ANKRD44: variants seen among roughly 807,000 people sequenced by gnomAD.
ANKRD44 encodes the protein ankyrin repeat domain 44, also known as serine/threonine-protein phosphatase 6 regulatory ankyrin repeat subunit B.
A neutral mutation model predicts 116.0 loss-of-function variants in ANKRD44; 35 were observed. The ratio of observed to expected loss-of-function variants is 0.30; its 90% CI spans 0.23 to 0.40. The LOEUF (loss-of-function observed/expected upper bound fraction) is 0.40. ANKRD44 is among the 10% of genes least tolerant of loss of function. The pLI, the probability that ANKRD44 is intolerant of heterozygous loss-of-function variation, is 1.00. For missense variants in ANKRD44, 1,014 were observed against 1,242.6 expected, an observed-to-expected ratio of 0.82 and a Z score of 2.77; for synonymous variants, 435 against 461.8, an observed-to-expected ratio of 0.94 and a Z score of 0.74.
intron 1 of ANKRD44, among the ~76,000 whole-genome samples, chr2:197,280,992 T>C: frequency 6.6e-6 from 1 of 152,204 alleles, no homozygotes; most frequent in East Asian, 1.9e-4. Context: ...TTCACTAGAA[T>C]GTTCTTTATA....
chr2:196,978,448 A>G (rs957041570), intron 21 of ANKRD44, among the ~76,000 whole-genome samples: 1 of 152,232 alleles, frequency 6.6e-6, no homozygotes, highest in Admixed American at 6.5e-5. Flanking sequence ...GCAAGAAGAG[A>G]CTAACACATA....
At chr2:197,224,309 C>A (rs1038616175) in intron 1 of ANKRD44, among the ~76,000 whole-genome samples, 1 of 152,164 alleles carries the variant, frequency 6.6e-6, no homozygotes, top group Non-Finnish European at 1.5e-5. Context: ...ACTGTATCCA[C>A]AATTGGCTTT....
At chr2:196,981,634 G>T (rs113307251) in intron 21 of ANKRD44, among the ~76,000 whole-genome samples, 1 of 152,032 alleles carries the variant, frequency 6.6e-6, no homozygotes, top group Non-Finnish European at 1.5e-5. Flanking sequence ...TTAAAAATCC[G>T]CCAAGTGTGG....
intron 8 of ANKRD44, among the ~76,000 whole-genome samples, chr2:197,114,385 T>C (rs1039748158): frequency 6.6e-6 from 1 of 152,238 alleles, no homozygotes; most frequent in Non-Finnish European, 1.5e-5. Context: ...GCACTTCTAT[T>C]GAGTTAGGCA....
downstream of ANKRD44, among the ~76,000 whole-genome samples, chr2:196,984,091 G>C (rs1265370077): frequency 5.3e-5 from 8 of 152,160 alleles, no homozygotes. Flanking sequence ...GCAATCCCTT[G>C]TGAAAATAGA....
intron 16 of ANKRD44, among the ~76,000 whole-genome samples, chr2:197,057,946 GGTTGGCA>G (rs2077235466): frequency 6.6e-6 from 1 of 152,028 alleles, no homozygotes; most frequent in Non-Finnish European, 1.5e-5. Flanking sequence ...TATGTCTAGG[GGTTGGCA>G]GTCTTATAGA....
intron 1 of ANKRD44, among the ~76,000 whole-genome samples, chr2:197,193,155 C>T (rs930016845): frequency 2.0e-5 from 3 of 152,122 alleles, no homozygotes; most frequent in African/African-American, 7.2e-5. Context: ...CACATGGGTA[C>T]TGACTATGAA....
chr2:197,050,858 G>T (rs56012946), intron 16 of ANKRD44, among the ~76,000 whole-genome samples: 1 of 151,978 alleles, frequency 6.6e-6, no homozygotes, highest in African/African-American at 2.4e-5. Flanking sequence ...TACTTACAGA[G>T]CATATAAATT....
At chr2:197,067,924 T>G (rs2077469187) in intron 16 of ANKRD44, among the ~76,000 whole-genome samples, 1 of 151,326 alleles carries the variant, frequency 6.6e-6, no homozygotes, top group Admixed American at 6.6e-5. Context: ...ATGTTTATTG[T>G]GGCACTATTC....
chr2:197,105,561 A>G (rs1041635130), intron 9 of ANKRD44, among the ~76,000 whole-genome samples: 1 of 152,248 alleles, frequency 6.6e-6, no homozygotes, highest in African/African-American at 2.4e-5. Flanking sequence ...AGGGCTGAGG[A>G]GACACATTGG....
chr2:197,194,647 A>G (rs928131014), intron 1 of ANKRD44, among the ~76,000 whole-genome samples: 5 of 152,324 alleles, frequency 3.3e-5, no homozygotes, highest in East Asian at 1.9e-4. Flanking sequence ...AATATTATAC[A>G]CTAAGGAAAA....
At chr2:197,243,406 G>C (rs1350567835) in intron 1 of ANKRD44, among the ~76,000 whole-genome samples, 2 of 151,912 alleles carry the variant, frequency 1.3e-5, no homozygotes, top group Non-Finnish European at 2.9e-5. Flanking sequence ...GTCTTAAAGA[G>C]AAACTTGGGC....
chr2:197,231,366 C>T (rs1286639677), intron 1 of ANKRD44, among the ~76,000 whole-genome samples: 1 of 152,026 alleles, frequency 6.6e-6, no homozygotes, highest in African/African-American at 2.4e-5. Context: ...GAATTCAAGG[C>T]TGCAGTGAGC....
At chr2:197,005,099 C>T (rs962979799) in intron 21 of ANKRD44, among the ~76,000 whole-genome samples, 1 of 151,934 alleles carries the variant, frequency 6.6e-6, no homozygotes, top group Non-Finnish European at 1.5e-5. Flanking sequence ...ATGAAAGATG[C>T]ACACAAAATT....
intron 24 of ANKRD44, 130 bp downstream of exon 24, chr2:196,998,777 G>T: frequency 7.8e-7 from 1 of 1,277,056 alleles, no homozygotes; most frequent in Non-Finnish European, 1.1e-6. Context: ...GTAGAATCAG[G>T]TGACTTAAGT....
chr2:196,997,808 G>GAA (rs34898441), intron 25 of ANKRD44, among the ~76,000 whole-genome samples: 43 of 150,388 alleles, frequency 2.9e-4, no homozygotes, highest in East Asian at 2.5e-3. Flanking sequence ...ACCACTATTT[G>GAA]AAAAAAAAAA....
At chr2:197,080,342 G>A (rs2077764180) in intron 15 of ANKRD44, among the ~76,000 whole-genome samples, 1 of 152,158 alleles carries the variant, frequency 6.6e-6, no homozygotes, top group South Asian at 2.1e-4. Context: ...TCTTCCCAGA[G>A]CCTAGTAATT....
At chr2:196,982,253 G>A (rs888919147), downstream of ANKRD44, among the ~76,000 whole-genome samples, 5 of 151,778 alleles carry the variant, frequency 3.3e-5, no homozygotes, top group African/African-American at 1.2e-4. Context: ...ACAAAGGAAA[G>A]GGCTGGAGTT....
At chr2:197,056,312 G>GA (rs1320374046) in intron 16 of ANKRD44, among the ~76,000 whole-genome samples, 1 of 151,534 alleles carries the variant, frequency 6.6e-6, no homozygotes, top group Non-Finnish European at 1.5e-5. Flanking sequence ...GGATTTTGAT[G>GA]AATCTGTAAA....
Sources: allele counts gnomAD v4.1 joint callset (sites outside exome capture counted in the v4.1 genomes callset), GRCh38; gene constraint gnomAD v4.1.1; transcripts MANE v1.5; gene names NCBI Gene and HGNC (gene_info 2026-07-23, HGNC 2026-07-21).